RNF125: variants seen among roughly 807,000 people sequenced by gnomAD.
RNF125 encodes E3 ubiquitin-protein ligase RNF125.
Under a neutral mutation model 26.0 loss-of-function variants are expected in RNF125, and 21 were observed. The observed-to-expected ratio is 0.81, with a 90% CI of 0.57 to 1.16. The LOEUF is 1.16. RNF125 is among the 50% of genes most tolerant of loss of function. The pLI, the probability that RNF125 is intolerant of heterozygous loss-of-function variation, is 0.00. For missense variants in RNF125, 270 were observed against 299.4 expected (o/e 0.90, Z 0.72); for synonymous variants, 95 against 109.2 (o/e 0.87, Z 0.81).
At chr18:32,048,623 G>C (rs2039295912) in intron 4 of RNF125, among the ~76,000 whole-genome samples, 1 of 152,150 alleles carries the variant, frequency 6.6e-6, no homozygotes, top group African/African-American at 2.4e-5. Flanking sequence ...CAGTGATCTA[G>C]CTCCAGGGCT....
chr18:32,065,654 T>G (rs142959106), intron 4 of RNF125, among the ~76,000 whole-genome samples: 2,338 of 152,238 alleles, frequency 0.015, 56 homozygotes, highest in African/African-American at 0.053. Context: ...TGCCTCAGTC[T>G]CCCGAGTAGC....
the RNF125 span, among the ~76,000 whole-genome samples, chr18:32,087,079 T>C: frequency 6.6e-6 from 1 of 152,082 alleles, no homozygotes; most frequent in Non-Finnish European, 1.5e-5. Context: ...AAACGGCCAA[T>C]CTAGGGAAGG....
chr18:32,063,133 T>C lies in RNF125; in HGVS notation c.505-2769T>C, dbSNP rs563160762. 2.0e-5 allele frequency among the ~76,000 whole-genome samples: 3 copies of C among 151,370 alleles called. No individual in the cohort carries two copies. The South Asian group carries it at 6.3e-4, about 32-fold the overall frequency. On this transcript the variant is annotated intron_variant, in intron 4 of 5. Transcript: ENST00000217740. Reference sequence around the variant, plus strand: ...TACTTGGGAGGCTGAGGCAGGAAAGTTGCTTGAACCCAGGAGGCGGAGGTT... The same window carrying C: ...TACTTGGGAGGCTGAGGCAGGAAAGCTGCTTGAACCCAGGAGGCGGAGGTT...
intron 3 of RNF125, among the ~76,000 whole-genome samples, chr18:32,043,056 C>T (rs113502618): frequency 0.14 from 20,943 of 151,384 alleles, 1,525 homozygotes; most frequent in Middle Eastern, 0.23. Context: ...GGCTGAGGCA[C>T]GAGAATCACT....
intron 3 of RNF125, among the ~76,000 whole-genome samples, chr18:32,044,022 T>C (rs993082222): frequency 1.3e-5 from 2 of 152,230 alleles, no homozygotes; most frequent in African/African-American, 4.8e-5. Flanking sequence ...TTCTTTTCTT[T>C]TTGAGATGGA....
At chr18:32,062,593 T>C (rs2039444853) in intron 4 of RNF125, among the ~76,000 whole-genome samples, 1 of 152,156 alleles carries the variant, frequency 6.6e-6, no homozygotes, top group African/African-American at 2.4e-5. Context: ...ATATTGAAAC[T>C]GAGATCCTCA....
rs1479170410 is a variant in RNF125, at chr18:32,042,207, T to A, written c.347T>A (p.Ile116Asn). 1 of 1,613,646 alleles carries A rather than the reference T, an allele frequency of 6.2e-7. No homozygotes were observed. The highest frequency in any genetic ancestry group is 1.1e-5 in the South Asian group (1 of 91,060). The change falls in exon 3 of 6, where the codon ATT (isoleucine) becomes AAT (asparagine). Residue 116 changes from isoleucine (I) to asparagine (N), a missense_variant. By Grantham distance (149) the Ile-to-Asn change is moderately radical. Coordinates refer to ENST00000217740, the MANE Select transcript of RNF125 (RefSeq NM_017831.4). ...LVCLSEMRAHIRTCQKYIDKY... is the reference protein window; with the variant it reads ...LVCLSEMRAHNRTCQKYIDKY... ...TGCCTCAGTGAAATGAGGGCACATA[T>A]TCGGACTTGTCAGAAGTACATAGAT... is the stretch of plus-strand genomic sequence containing the variant.
In RNF125 at chr18:32,024,195, TTTTTTTTTTTTTTC is replaced by T. The variant is rs1218527023; in HGVS notation, c.164+5180_164+5193del. 5.7e-4 allele frequency among the ~76,000 whole-genome samples: 52 copies of T among 91,644 alleles called. No individual in the cohort carries two copies. In the East Asian group the frequency reaches 0.014, roughly 24 times the overall value. The allele number at this position is 91,644 out of a possible 152,430, so 60.1% of individuals were successfully genotyped here. A position where few individuals can be genotyped will look rare whatever the true frequency, so the allele number is the denominator to read the frequency against. ...AAAAATCACACTTCATGCCATTCTTTTTTTTTTTTTTTTCTTTTTTTTTTTAAGATGGAGTCTCA... is the reference window on the plus strand; with the variant it reads ...AAAAATCACACTTCATGCCATTCTTTTTTTTTTTTTTAAGATGGAGTCTCA... On this transcript the variant is annotated intron_variant, in intron 1 of 5. Transcript: ENST00000217740.
At chr18:32,081,033 A>G in the RNF125 span, among the ~76,000 whole-genome samples, 1 of 151,974 alleles carries the variant, frequency 6.6e-6, no homozygotes, top group African/African-American at 2.4e-5. Flanking sequence ...TAAAAATACA[A>G]TCATTAACCG....
chr18:32,048,941 C>T (rs1230833711), intron 4 of RNF125, among the ~76,000 whole-genome samples: 1 of 152,200 alleles, frequency 6.6e-6, no homozygotes, highest in Non-Finnish European at 1.5e-5. Flanking sequence ...TTTCTTGTCT[C>T]CTAGCAACTC....
At chr18:32,077,107 G>T (rs1054176242), downstream of RNF125, among the ~76,000 whole-genome samples, 4 of 152,158 alleles carry the variant, frequency 2.6e-5, no homozygotes, top group South Asian at 8.3e-4. Flanking sequence ...CACATGTCAA[G>T]TACTTAGTAA....
intron 1 of RNF125, among the ~76,000 whole-genome samples, chr18:32,027,507 T>C (rs2039048377): frequency 6.6e-6 from 1 of 152,186 alleles, no homozygotes; most frequent in East Asian, 1.9e-4. Flanking sequence ...TTTTTCTCTG[T>C]TGATCCAAAT....
chr18:32,075,062 T>C (rs55786778), downstream of RNF125, among the ~76,000 whole-genome samples: 11,759 of 152,246 alleles, frequency 0.077, 568 homozygotes, highest in African/African-American at 0.12. Flanking sequence ...GGGATACTTG[T>C]TATAATTACA....
intron 4 of RNF125, 56 bp from the exon 5 acceptor site, chr18:32,065,846 A>G (rs2144516452): frequency 3.9e-6 from 5 of 1,266,866 alleles, no homozygotes; most frequent in Admixed American, 1.8e-5. Flanking sequence ...TTTTAATTCT[A>G]ACACTAATAA....
At chr18:32,021,688 G>A (rs1014516430) in intron 1 of RNF125, among the ~76,000 whole-genome samples, 3 of 152,158 alleles carry the variant, frequency 2.0e-5, no homozygotes, top group Non-Finnish European at 2.9e-5. Flanking sequence ...AGACCGCTTT[G>A]CTATTCAATG....
Position 32,050,884 on chromosome 18 carries a change from T to C in RNF125, c.504+5152T>C, listed in dbSNP as rs940051365. Among the ~76,000 whole-genome samples the C allele has an allele frequency of 1.6e-5, 2 of 127,196 alleles. 1 individual carries two copies. Among genetic ancestry groups the C allele is most frequent in the African/African-American group, 6.3e-5 (2 of 31,784 alleles). 83.4% of individuals were successfully genotyped at this position (127,196 alleles called of 152,430 possible). ...AGAGTGCTTTTTTTTTTTTTTTTTTTTTTTTTTTTTTTTTTGAAGAGACGG... is the reference window on the plus strand; with the variant it reads ...AGAGTGCTTTTTTTTTTTTTTTTTTCTTTTTTTTTTTTTTTGAAGAGACGG... On this transcript the variant is annotated intron_variant, in intron 4 of 5. Transcript: ENST00000217740.
the RNF125 span, among the ~76,000 whole-genome samples, chr18:32,089,686 G>C: frequency 1.3e-5 from 2 of 152,064 alleles, no homozygotes; most frequent in African/African-American, 4.8e-5. Context: ...CCAAGTTTTT[G>C]CTGGATTTCC....
intron 4 of RNF125, among the ~76,000 whole-genome samples, chr18:32,056,281 C>T (rs1349840711): frequency 1.3e-5 from 2 of 151,918 alleles, no homozygotes; most frequent in East Asian, 3.9e-4. Context: ...TAAAATTGCC[C>T]TACAAAGCTC....
intron 1 of RNF125, among the ~76,000 whole-genome samples, chr18:32,034,583 G>T (rs8089092): frequency 0.7 from 105,631 of 151,978 alleles, 36,943 homozygotes; most frequent in African/African-American, 0.73. Flanking sequence ...TAAAAACTTT[G>T]GTAGAGAACC....
Sources: gnomAD v4.1 joint callset for allele counts (sites outside exome capture counted in the v4.1 genomes callset) on GRCh38, gnomAD v4.1.1 for gene constraint, MANE v1.5 for transcripts, NCBI Gene and HGNC (gene_info 2026-07-23, HGNC 2026-07-21) for gene names.